ZW10: variants seen among roughly 807,000 people sequenced by gnomAD.
ZW10 encodes the protein zw10 kinetochore protein.
In ZW10, 53 loss-of-function variants were observed where a neutral mutation model predicts 87.8. That is an observed-to-expected ratio of 0.60 (90% CI 0.48 to 0.76). The LOEUF is 0.76. ZW10 is among the 30% of genes least tolerant of loss of function. ZW10 has a pLI of 0.00. For synonymous variants in ZW10, 312 were observed against 329.2 expected (o/e 0.95, Z 0.57); for missense variants, 837 against 923.0 (o/e 0.91, Z 1.21).
At chr11:113,752,175 T>C (rs889285636) in intron 7 of ZW10, among the ~76,000 whole-genome samples, 5 of 152,194 alleles carry the variant, frequency 3.3e-5, no homozygotes, top group Non-Finnish European at 7.3e-5. Context: ...ACAAAAGAAA[T>C]GCTTGCCAAA....
At chr11:113,747,193 G>A (rs190284873) in intron 9 of ZW10, among the ~76,000 whole-genome samples, 282 of 152,234 alleles carry the variant, frequency 1.9e-3, no homozygotes, top group African/African-American at 6.3e-3. Flanking sequence ...TGTAGCCCAA[G>A]TGTACCTGTC....
At chr11:113,773,090 A>T (rs1937657686) in intron 1 of ZW10, among the ~76,000 whole-genome samples, 1 of 151,878 alleles carries the variant, frequency 6.6e-6, no homozygotes, top group Admixed American at 6.6e-5. Flanking sequence ...TTCATCAACA[A>T]ATCAAGGAGT....
At chr11:113,739,408 A>G in intron 11 of ZW10, 26 bp from the exon 12 acceptor site, 1 of 1,567,846 alleles carries the variant, frequency 6.4e-7, no homozygotes, top group East Asian at 2.3e-5. Context: ...GGGTAGAAAA[A>G]CAAAGCAACC....
chr11:113,756,763 C>T (rs79543583), intron 7 of ZW10, among the ~76,000 whole-genome samples: 2,541 of 152,250 alleles, frequency 0.017, 32 homozygotes, highest in Non-Finnish European at 0.028. Context: ...CTCTCCAATT[C>T]CTTCTAATCT....
intron 11 of ZW10, among the ~76,000 whole-genome samples, chr11:113,739,906 G>T (rs1192805382): frequency 6.6e-6 from 1 of 152,108 alleles, no homozygotes; most frequent in Admixed American, 6.5e-5. Flanking sequence ...TGAAATCACA[G>T]CATTTATATG....
At chr11:113,772,339 G>A (rs879292454) in intron 1 of ZW10, among the ~76,000 whole-genome samples, 5 of 152,080 alleles carry the variant, frequency 3.3e-5, no homozygotes, top group Non-Finnish European at 7.4e-5. Context: ...TGAAAAATCC[G>A]AAAGCCATAT....
chr11:113,760,209 C>T lies in ZW10; in HGVS notation c.580G>A (p.Asp194Asn). The T allele has an allele frequency of 1.2e-6, 2 of 1,613,780 alleles. No homozygotes were observed. Among genetic ancestry groups the T allele is most frequent in the Non-Finnish European group, 1.7e-6 (2 of 1,179,862 alleles). ...LIVWKFPPSK[D>N]TSSLESYLQT... ...GCAGTCCACCTGAGGTCAGCAGCACCTTTTGATGGTGGGAACTTCCATACA... is the reference window on the plus strand; with the variant it reads ...GCAGTCCACCTGAGGTCAGCAGCACTTTTTGATGGTGGGAACTTCCATACA... Residue 194 changes from aspartate (D) to asparagine (N), a missense_variant and splice_region_variant, in exon 5 of 16, where the codon GAT (aspartate) becomes AAT (asparagine). Asp to Asn is a conservative substitution (Grantham distance 23). Transcript: ENST00000200135.
chr11:113,763,603 T>G (rs1467897574), intron 2 of ZW10, among the ~76,000 whole-genome samples: 1 of 152,256 alleles, frequency 6.6e-6, no homozygotes, highest in Non-Finnish European at 1.5e-5. Flanking sequence ...TGATTTGCAT[T>G]TCTCTGATTC....
At chr11:113,733,911 G>A in intron 15 of ZW10, 97 bp from the exon 16 acceptor site, 1 of 1,388,512 alleles carries the variant, frequency 7.2e-7, no homozygotes, top group Non-Finnish European at 9.7e-7. Context: ...TTATTTGCTT[G>A]AAATGGAAAT....
chr11:113,771,543 T>C (rs977561159), intron 1 of ZW10: 1 of 152,256 alleles, frequency 6.6e-6, no homozygotes, highest in Non-Finnish European at 1.5e-5. Flanking sequence ...ATTGTGTGTA[T>C]GTATTCCACC....
intron 7 of ZW10, among the ~76,000 whole-genome samples, chr11:113,752,484 A>C (rs1953743369): frequency 2.6e-5 from 4 of 152,216 alleles, no homozygotes; most frequent in Non-Finnish European, 4.4e-5. Flanking sequence ...GATTTGTGGC[A>C]ACCCTGCATT....
chr11:113,760,370 T>G lies in ZW10; in HGVS notation c.421-2A>C. 1 of 1,613,670 alleles carries G rather than the reference T, an allele frequency of 6.2e-7. No individual in the cohort carries two copies. Among genetic ancestry groups the G allele is most frequent in the South Asian group, 1.1e-5 (1 of 91,012 alleles). On this transcript the variant is annotated splice_acceptor_variant, in intron 4 of 15. Coordinates refer to ENST00000200135, the MANE Select transcript of ZW10 (RefSeq NM_004724.4). LOFTEE classifies it high-confidence loss of function. Reference sequence around the variant, plus strand: ...TAATAACTTCAAGCATTTCTGTGCCTGGTAACGAAATGGAATCACTGTTAA... The same window carrying G: ...TAATAACTTCAAGCATTTCTGTGCCGGGTAACGAAATGGAATCACTGTTAA...
intron 10 of ZW10, among the ~76,000 whole-genome samples, chr11:113,742,347 G>A (rs575491750): frequency 1.6e-4 from 25 of 152,132 alleles, no homozygotes; most frequent in South Asian, 8.3e-4. Flanking sequence ...TAAGGTTTGT[G>A]TAACTTACCT....
At chr11:113,753,262 T>C (rs1006762757) in intron 7 of ZW10, among the ~76,000 whole-genome samples, 1 of 152,154 alleles carries the variant, frequency 6.6e-6, no homozygotes, top group Non-Finnish European at 1.5e-5. Flanking sequence ...CACTTATAAG[T>C]GAGGACATGC....
chr11:113,752,976 T>A (rs2134881945), intron 7 of ZW10, among the ~76,000 whole-genome samples: 1 of 152,350 alleles, frequency 6.6e-6, no homozygotes, highest in South Asian at 2.1e-4. Context: ...GACTGGGTTT[T>A]TTTAGTGTAA....
chr11:113,759,408 T>C (rs889347300), intron 5 of ZW10, among the ~76,000 whole-genome samples: 1 of 152,136 alleles, frequency 6.6e-6, no homozygotes, highest in African/African-American at 2.4e-5. Flanking sequence ...CACATATGTG[T>C]CTATGTACAC....
At chr11:113,758,806 A>G (rs1953827495) in intron 5 of ZW10, 100 bp from the exon 6 acceptor site, 5 of 1,138,040 alleles carry the variant, frequency 4.4e-6, no homozygotes, top group Non-Finnish European at 6.4e-6. Context: ...ATGCAGTTCT[A>G]TTACAATATA....
At chr11:113,759,171 G>C (rs1172284562) in intron 5 of ZW10, among the ~76,000 whole-genome samples, 1 of 152,146 alleles carries the variant, frequency 6.6e-6, no homozygotes, top group East Asian at 1.9e-4. Flanking sequence ...ACTCCAGCCT[G>C]GGCGACAGAG....
chr11:113,736,986 T>C (rs1953560823), intron 14 of ZW10, among the ~76,000 whole-genome samples, 164 bp from the exon 15 acceptor site: 1 of 152,218 alleles, frequency 6.6e-6, no homozygotes, highest in Non-Finnish European at 1.5e-5. Flanking sequence ...TCTCTGACAA[T>C]ACTTCTATAT....
Sources: allele counts gnomAD v4.1 joint callset (sites outside exome capture counted in the v4.1 genomes callset), GRCh38; gene constraint gnomAD v4.1.1; transcripts MANE v1.5; gene names NCBI Gene and HGNC (gene_info 2026-07-23, HGNC 2026-07-21).